CTNNA3: variants seen among roughly 807,000 people sequenced by gnomAD.
The protein encoded by CTNNA3 is catenin alpha 3.
CTNNA3 carries 76 observed loss-of-function variants against 95.7 expected under a neutral mutation model. The ratio of observed to expected loss-of-function variants is 0.79; its 90% CI spans 0.66 to 0.96. The LOEUF is 0.96. Ranked by LOEUF, CTNNA3 falls within the 40% of genes least tolerant of loss-of-function variation. The pLI, the probability that CTNNA3 is intolerant of heterozygous loss-of-function variation, is 0.00. For synonymous variants in CTNNA3, 431 were observed against 374.4 expected (o/e 1.15, Z -1.74); for missense variants, 1,191 against 1,089.8 (o/e 1.09, Z -1.31).
intron 9 of CTNNA3, among the ~76,000 whole-genome samples, chr10:66,670,853 T>C (rs973929208): frequency 6.6e-6 from 1 of 152,188 alleles, no homozygotes; most frequent in Non-Finnish European, 1.5e-5. Flanking sequence ...AATTGGCAGT[T>C]TGATTTATAT....
In CTNNA3 at chr10:67,666,443, C is replaced by T. The variant is rs1008392332; in HGVS notation, c.-5-18925G>A. Among the ~76,000 whole-genome samples, 9 of 152,216 alleles carry T rather than the reference C, an allele frequency of 5.9e-5. No homozygotes were observed. In the South Asian group the frequency reaches 1.9e-3, roughly 32 times the overall value. ...CTTATAGATATTTCTACATTAATTT[C>T]ACTTTAGAAAACATTTTAGTAACAT... On this transcript the variant is annotated intron_variant, in intron 1 of 17. Coordinates refer to ENST00000433211, the MANE Select transcript of CTNNA3 (RefSeq NM_013266.4).
At chr10:67,670,027 TG>T (rs1289607060) in intron 1 of CTNNA3, among the ~76,000 whole-genome samples, 1 of 152,240 alleles carries the variant, frequency 6.6e-6, no homozygotes, top group Non-Finnish European at 1.5e-5. Flanking sequence ...GAGTATTTTT[TG>T]GAAGAGTGGG....
chr10:66,482,099 T>G (rs1375726872), intron 11 of CTNNA3, among the ~76,000 whole-genome samples: 2 of 152,196 alleles, frequency 1.3e-5, no homozygotes, highest in African/African-American at 4.8e-5. Context: ...TTTTTGTTAA[T>G]AGTTTGAAAG....
chr10:66,974,190 T>A (rs891234696), intron 7 of CTNNA3, among the ~76,000 whole-genome samples: 5 of 152,186 alleles, frequency 3.3e-5, no homozygotes, highest in African/African-American at 1.2e-4. Context: ...AATCATTCAA[T>A]GTAGGTTTTT....
At chr10:67,391,214 A>G (rs949109652) in intron 5 of CTNNA3, among the ~76,000 whole-genome samples, 7 of 152,090 alleles carry the variant, frequency 4.6e-5, no homozygotes, top group Admixed American at 2.0e-4. Flanking sequence ...AAGTCTCAGG[A>G]TACAAAATCA....
chr10:67,367,213 TA>T (rs547649036), intron 5 of CTNNA3, among the ~76,000 whole-genome samples: 42 of 152,208 alleles, frequency 2.8e-4, no homozygotes, highest in Middle Eastern at 3.4e-3. Context: ...CCAGACTCTA[TA>T]AGGAACTTAG....
chr10:66,262,582 T>A (rs1312706978), intron 13 of CTNNA3, among the ~76,000 whole-genome samples: 1 of 151,914 alleles, frequency 6.6e-6, no homozygotes, highest in African/African-American at 2.4e-5. Context: ...CATAGAATGG[T>A]CTTTTTTTTT....
chr10:66,355,140 T>A (rs186289913), intron 12 of CTNNA3, among the ~76,000 whole-genome samples: 1 of 152,136 alleles, frequency 6.6e-6, no homozygotes, highest in Non-Finnish European at 1.5e-5. Flanking sequence ...TAAGTAGATA[T>A]ACGATTTAAA....
chr10:66,346,240 T>G (rs1360940581), intron 12 of CTNNA3, among the ~76,000 whole-genome samples: 136 of 11,306 alleles, frequency 0.012, 1 homozygote, highest in African/African-American at 0.047. Flanking sequence ...TATATATATA[T>G]ATATATAGAG....
At chr10:67,020,578 T>A (rs1254818075) in intron 7 of CTNNA3, among the ~76,000 whole-genome samples, 2 of 152,200 alleles carry the variant, frequency 1.3e-5, no homozygotes, top group Non-Finnish European at 1.5e-5. Flanking sequence ...TTTTGTTATG[T>A]CTTATCCACT....
chr10:66,633,215 A>C (rs1845207226), intron 9 of CTNNA3, among the ~76,000 whole-genome samples: 1 of 152,180 alleles, frequency 6.6e-6, no homozygotes, highest in African/African-American at 2.4e-5. Context: ...AGCCACGTGA[A>C]AACTTTATTT....
At chr10:67,026,251 A>C (rs949661209) in intron 7 of CTNNA3, among the ~76,000 whole-genome samples, 1 of 152,070 alleles carries the variant, frequency 6.6e-6, no homozygotes, top group Non-Finnish European at 1.5e-5. Flanking sequence ...TAAAACTTAA[A>C]GTATAATAAT....
Position 67,723,025 on chromosome 10 carries a change from C to T in CTNNA3, c.-2+40409G>A, listed in dbSNP as rs191203080. ...TTTTTGAGACAGAGTCTCACTCTGT[C>T]GCCCAGGTTGCAGTCCAGTGGCGTA... On this transcript the variant is annotated intron_variant, in intron 1 of 17. Transcript: ENST00000684154. Among the ~76,000 whole-genome samples, 147 of 144,126 alleles carry T rather than the reference C, an allele frequency of 1.0e-3. 2 individuals carry two copies. The East Asian group carries it at 0.029, about 28-fold the overall frequency. The allele number at this position is 144,126 out of a possible 152,430, so 94.6% of individuals were successfully genotyped here. A position where few individuals can be genotyped will look rare whatever the true frequency, so the allele number is the denominator to read the frequency against.
At position 65,913,980 on chromosome 10, in the gene CTNNA3, G is replaced by A. The variant is rs988219638; in HGVS notation, c.*6350C>T. ...ACTATTGATACAACTATTCAAAGGG[G>A]GCTTTAAATGTATAAGGAAGTGTCA... On this transcript the variant is annotated 3_prime_UTR_variant, in exon 18 of 18. Coordinates refer to ENST00000433211, the MANE Select transcript of CTNNA3 (RefSeq NM_013266.4). 1.3e-5 allele frequency: 2 copies of A among 152,012 alleles called. No homozygotes were observed. Among genetic ancestry groups the A allele is most frequent in the Non-Finnish European group, 2.9e-5 (2 of 67,994 alleles). 9.4% of individuals were successfully genotyped at this position (152,012 alleles called of 1,614,324 possible).
At chr10:66,106,069 T>G (rs943779070) in intron 13 of CTNNA3, among the ~76,000 whole-genome samples, 1 of 151,828 alleles carries the variant, frequency 6.6e-6, no homozygotes, top group Non-Finnish European at 1.5e-5. Context: ...TAGCTGGGCG[T>G]GGTGGCACAT....
At chr10:66,094,781 A>G (rs1176814671) in intron 14 of CTNNA3, among the ~76,000 whole-genome samples, 1 of 152,178 alleles carries the variant, frequency 6.6e-6, no homozygotes, top group Admixed American at 6.6e-5. Context: ...AAAGCCTTGA[A>G]TAAAGTCTTC....
intron 5 of CTNNA3, among the ~76,000 whole-genome samples, chr10:67,262,453 T>G (rs140440679): frequency 0.016 from 2,436 of 152,240 alleles, 68 homozygotes; most frequent in African/African-American, 0.054. Flanking sequence ...TTATTACTAG[T>G]GACCATGAGA....
At chr10:66,070,908 G>A (rs1036260635) in intron 14 of CTNNA3, among the ~76,000 whole-genome samples, 6 of 152,118 alleles carry the variant, frequency 3.9e-5, no homozygotes, top group Middle Eastern at 3.2e-3. Context: ...CCTCTGACAA[G>A]ATAAGAGCCA....
rs1386414099 is a variant in CTNNA3 at position 67,726,408 on chromosome 10, C to A, written c.-2+37026G>T. Among the ~76,000 whole-genome samples the A allele has an allele frequency of 1.4e-3, 72 of 51,576 alleles. 1 individual carries two copies. Among genetic ancestry groups the A allele is most frequent in the South Asian group, 3.4e-3 (4 of 1,168 alleles). The allele number at this position is 51,576 out of a possible 152,430, so 33.8% of individuals were successfully genotyped here. A position where few individuals can be genotyped will look rare whatever the true frequency, so the allele number is the denominator to read the frequency against. On this transcript the variant is annotated intron_variant, in intron 1 of 17. Transcript: ENST00000684154. ...AAATTATATATATTATATATTATAT[C>A]ATATATAATATTATATATTATATCA...
Sources: allele counts gnomAD v4.1 joint callset (sites outside exome capture counted in the v4.1 genomes callset), GRCh38; gene constraint gnomAD v4.1.1; transcripts MANE v1.5; gene names NCBI Gene and HGNC (gene_info 2026-07-23, HGNC 2026-07-21).